The following STXBP5L variants were observed in gnomAD, a reference collection of about 807,000 sequenced individuals.
STXBP5L encodes syntaxin-binding protein 5-like.
Under a neutral mutation model 144.5 loss-of-function variants are expected in STXBP5L, and 65 were observed. That is an observed-to-expected ratio of 0.45 (90% confidence interval 0.37 to 0.55). The LOEUF is 0.55. Ranked by LOEUF, STXBP5L falls within the 20% of genes least tolerant of loss-of-function variation. The pLI, the probability that STXBP5L is intolerant of heterozygous loss-of-function variation, is 0.00. For missense variants in STXBP5L, 1,298 were observed against 1,405.5 expected (o/e 0.92, Z 1.22); for synonymous variants, 505 against 469.6 (o/e 1.08, Z -0.97).
At chr3:121,169,625 T>C (rs1207127247) in intron 9 of STXBP5L, among the ~76,000 whole-genome samples, 1 of 152,144 alleles carries the variant, frequency 6.6e-6, no homozygotes, top group Non-Finnish European at 1.5e-5. Context: ...GGTAAAGGAA[T>C]CAATGCAACA....
intron 20 of STXBP5L, among the ~76,000 whole-genome samples, chr3:121,363,753 T>C (rs373707779): frequency 2.6e-5 from 4 of 151,326 alleles, no homozygotes; most frequent in African/African-American, 9.7e-5. Flanking sequence ...TGAAGGTGGG[T>C]TTTTTTTTCT....
intron 18 of STXBP5L, among the ~76,000 whole-genome samples, chr3:121,275,870 A>T (rs1176037930): frequency 6.6e-6 from 1 of 152,022 alleles, no homozygotes; most frequent in Non-Finnish European, 1.5e-5. Context: ...TTTTCATTGT[A>T]AATGTTTTCC....
intron 9 of STXBP5L, among the ~76,000 whole-genome samples, chr3:121,194,322 A>C (rs1032668436): frequency 6.6e-6 from 1 of 152,194 alleles, no homozygotes; most frequent in Non-Finnish European, 1.5e-5. Flanking sequence ...TTCTCTTAAC[A>C]AAATTCTTTC....
intron 5 of STXBP5L, among the ~76,000 whole-genome samples, chr3:121,051,997 C>T (rs191365963): frequency 2.6e-5 from 4 of 152,288 alleles, no homozygotes; most frequent in Admixed American, 2.6e-4. Flanking sequence ...TGGATAAATT[C>T]CTGGACACAT....
intron 2 of STXBP5L, among the ~76,000 whole-genome samples, chr3:120,915,885 T>C (rs906151859): frequency 6.6e-6 from 1 of 152,140 alleles, no homozygotes; most frequent in Admixed American, 6.5e-5. Context: ...TTCACCATGA[T>C]ACTTAGGGAG....
At chr3:121,412,521 G>A (rs1208681815) in intron 23 of STXBP5L, among the ~76,000 whole-genome samples, 1 of 151,990 alleles carries the variant, frequency 6.6e-6, no homozygotes, top group Non-Finnish European at 1.5e-5. Flanking sequence ...TGTTTCCCTA[G>A]TGACTTAGTC....
intron 20 of STXBP5L, 133 bp from the exon 21 acceptor site, chr3:121,378,583 A>T: frequency 9.5e-7 from 1 of 1,053,800 alleles, no homozygotes; most frequent in East Asian, 2.7e-5. Context: ...AAGAACAAGG[A>T]CTTAACTATA....
At position 121,072,545 on chromosome 3, in the gene STXBP5L, TC is replaced by T. The variant is rs561958511; in HGVS notation, c.470+27012del. On this transcript the variant is annotated intron_variant, in intron 5 of 26. Transcript: ENST00000471454. Reference sequence around the variant, plus strand: ...ATGGCAAGCCTCCCATCTGAGAACTTCCACTAACATCCTTTCTGGTAACTTC... The same window carrying T: ...ATGGCAAGCCTCCCATCTGAGAACTTCACTAACATCCTTTCTGGTAACTTC... Among the ~76,000 whole-genome samples, 7 of 152,336 alleles carry T rather than the reference TC, an allele frequency of 4.6e-5. No individual in the cohort carries two copies. The South Asian group carries it at 1.5e-3, about 32-fold the overall frequency.
intron 2 of STXBP5L, among the ~76,000 whole-genome samples, chr3:120,928,759 G>C (rs1270379883): frequency 6.6e-6 from 1 of 151,738 alleles, no homozygotes; most frequent in Non-Finnish European, 1.5e-5. Flanking sequence ...CTGAGTAGTA[G>C]GTAGAGAGAA....
At chr3:121,116,506 G>T (rs1261853794) in intron 6 of STXBP5L, among the ~76,000 whole-genome samples, 1 of 151,904 alleles carries the variant, frequency 6.6e-6, no homozygotes, top group Non-Finnish European at 1.5e-5. Context: ...TTCTTTTCTT[G>T]TTCTTCATAC....
intron 20 of STXBP5L, among the ~76,000 whole-genome samples, chr3:121,370,051 C>T (rs1394005753): frequency 6.6e-6 from 1 of 152,008 alleles, no homozygotes; most frequent in East Asian, 1.9e-4. Context: ...TGATAGAGTT[C>T]TCCTGAGATA....
intron 2 of STXBP5L, among the ~76,000 whole-genome samples, chr3:120,948,533 G>T (rs1370496544): frequency 6.6e-6 from 1 of 151,788 alleles, no homozygotes; most frequent in African/African-American, 2.4e-5. Flanking sequence ...TACCCAATGT[G>T]TAGTTTTTAA....
chr3:121,255,144 A>G (rs781211854), intron 16 of STXBP5L, 32 bp downstream of exon 16: 2 of 1,495,382 alleles, frequency 1.3e-6, no homozygotes, highest in African/African-American at 2.8e-5. Context: ...TTTCACTTTT[A>G]CAGTTATTAA....
intron 16 of STXBP5L, among the ~76,000 whole-genome samples, chr3:121,256,187 G>A (rs1373903138): frequency 6.6e-6 from 1 of 151,996 alleles, no homozygotes; most frequent in African/African-American, 2.4e-5. Flanking sequence ...GGGTTCTTGT[G>A]ATGATTATAT....
intron 3 of STXBP5L, among the ~76,000 whole-genome samples, chr3:120,986,074 A>G (rs1009771255): frequency 2.6e-5 from 4 of 151,722 alleles, no homozygotes; most frequent in African/African-American, 9.7e-5. Flanking sequence ...GCTGCATCCC[A>G]CGAGTTTTGG....
At chr3:121,198,045 G>T (rs1368237194) in intron 9 of STXBP5L, among the ~76,000 whole-genome samples, 2 of 152,116 alleles carry the variant, frequency 1.3e-5, no homozygotes, top group African/African-American at 2.4e-5. Flanking sequence ...GGTGTTTCCG[G>T]TTCTAGATCC....
At chr3:120,963,434 G>T (rs1218356847) in intron 3 of STXBP5L, among the ~76,000 whole-genome samples, 2 of 152,158 alleles carry the variant, frequency 1.3e-5, no homozygotes, top group African/African-American at 4.8e-5. Context: ...TTATTATTTT[G>T]AGATATGTGC....
intron 22 of STXBP5L, among the ~76,000 whole-genome samples, chr3:121,393,309 C>A (rs1161707808): frequency 6.6e-6 from 1 of 151,028 alleles, no homozygotes; most frequent in South Asian, 2.1e-4. Flanking sequence ...TGCTTGAGTT[C>A]CTTGCAGATT....
intron 3 of STXBP5L, among the ~76,000 whole-genome samples, chr3:121,014,514 AG>A (rs1440245637): frequency 6.6e-6 from 1 of 152,076 alleles, no homozygotes; most frequent in Non-Finnish European, 1.5e-5. Flanking sequence ...ATTGCTGAGT[AG>A]TATACAAATG....
Sources: gnomAD v4.1 joint callset for allele counts (sites outside exome capture counted in the v4.1 genomes callset) on GRCh38, gnomAD v4.1.1 for gene constraint, MANE v1.5 for transcripts, NCBI Gene and HGNC (gene_info 2026-07-23, HGNC 2026-07-21) for gene names.